COL2A1: variants seen among roughly 807,000 people sequenced by gnomAD.
COL2A1 encodes collagen alpha-1(II) chain.
A neutral mutation model predicts 204.5 loss-of-function variants in COL2A1; 28 were observed. The observed-to-expected ratio is 0.14, with a 90% CI of 0.10 to 0.19. The LOEUF (loss-of-function observed/expected upper bound fraction) is 0.19, where lower values mean the gene tolerates loss of function less well. Among genes scored for constraint, COL2A1 ranks in the 10% least tolerant of loss-of-function variants. The probability of loss-of-function intolerance (pLI) is 1.00; values close to 1 mark genes in which losing one functional copy is unlikely to be tolerated. For synonymous variants in COL2A1, 708 were observed against 718.7 expected (o/e 0.99, Z 0.24); for missense variants, 1,388 against 2,027.5 (o/e 0.68, Z 6.06).
At chr12:47,988,200 A>T (rs1026790259) in intron 18 of COL2A1, among the ~76,000 whole-genome samples, 3 of 152,216 alleles carry the variant, frequency 2.0e-5, no homozygotes, top group Non-Finnish European at 2.9e-5. Context: ...ACGGGTGAAC[A>T]GTGACACCCT....
At chr12:47,977,272 C>A (rs1284168615) in intron 46 of COL2A1, 48 bp downstream of exon 46, 2 of 1,569,088 alleles carry the variant, frequency 1.3e-6, no homozygotes, top group South Asian at 2.2e-5. Flanking sequence ...ACTGCCTCAG[C>A]CCCACCGCGC....
intron 7 of COL2A1, 21 bp from the exon 8 acceptor site, chr12:47,996,646 G>A (rs748630809): frequency 1.4e-5 from 22 of 1,610,994 alleles, no homozygotes; most frequent in Admixed American, 6.7e-5. Flanking sequence ...ACCCAACAAC[G>A]TTAGGAGGTT....
Position 47,986,845 on chromosome 12 carries a change from T to C in COL2A1, c.1409A>G (p.Lys470Arg), listed in dbSNP as rs766776002. 3 of 1,614,072 alleles carry C rather than the reference T, an allele frequency of 1.9e-6. No homozygotes were observed. The highest frequency in any genetic ancestry group is 1.7e-5 in the Admixed American group (1 of 60,012). ...GGGGCAGATACTCACAGGTTCTCCC[T>C]TGGGGCCTTGTTCACCTTTGAAGCC... ...IAGFKGEQGP[K>R]GEPGPAGPQG... The change falls in exon 22 of 54, where the codon AAG becomes AGG. Residue 470 changes from lysine to arginine, a missense_variant. Around this residue, in one of 3 missense-constraint regions of COL2A1, gnomAD observed 884 missense variants for 1,415.8 expected, o/e 0.62. Coordinates refer to ENST00000380518, the MANE Select transcript of COL2A1 (RefSeq NM_001844.5).
rs1327107907 is a variant in COL2A1, at chr12:47,982,924, T to G, written c.2117A>C (p.Glu706Ala). 6.2e-7 allele frequency: 1 copy of G among 1,613,448 alleles called. No homozygotes were observed. Among genetic ancestry groups the G allele is most frequent in the South Asian group, 1.1e-5 (1 of 91,056 alleles). ...GCCCTGGGCACCGGGAGAGCCACGT[T>G]CACCTGGGAAACCTCGTTCACCCTG... ...GPRGERGFPG[E>A]RGSPGAQGLQ... Residue 706 changes from glutamate to alanine, a missense_variant, in exon 33 of 54, where the codon GAA becomes GCA. This residue lies in a region of COL2A1 where 884 missense variants were observed against 1,415.8 expected (regional missense o/e 0.62). Transcript: ENST00000380518.
intron 34 of COL2A1, 149 bp from the exon 35 acceptor site, chr12:47,982,309 G>T (rs2136547633): frequency 4.8e-6 from 4 of 826,826 alleles, no homozygotes; most frequent in Non-Finnish European, 2.1e-6. Flanking sequence ...GGAGCAGCAG[G>T]GGTGAGATGA....
At position 47,982,910 on chromosome 12, in the gene COL2A1, C is replaced by T. The variant is rs1362360030; in HGVS notation, c.2131G>A (p.Gly711Ser). Residue 711 changes from glycine to serine, a missense_variant, in exon 33 of 54, where the codon GGT becomes AGT. Physicochemically the swap from Gly to Ser is moderately conservative, Grantham distance 56. Coordinates refer to ENST00000380518, the MANE Select transcript of COL2A1 (RefSeq NM_001844.5). ...CGGGGACCCTGGAGGCCCTGGGCAC[C>T]GGGAGAGCCACGTTCACCTGGGAAA... ...RGFPGERGSPGAQGLQGPRGL... is the reference protein window; with the variant it reads ...RGFPGERGSPSAQGLQGPRGL... 3 of 1,613,274 alleles carry T rather than the reference C, an allele frequency of 1.9e-6. No individual in the cohort carries two copies. Among genetic ancestry groups the T allele is most frequent in the African/African-American group, 1.3e-5 (1 of 74,896 alleles).
chr12:47,992,833 A>G, intron 16 of COL2A1, 45 bp downstream of exon 16: 1 of 1,604,608 alleles, frequency 6.2e-7, no homozygotes, highest in Non-Finnish European at 8.5e-7. Flanking sequence ...TGTAAACTCT[A>G]AAGTGCTCGG....
chr12:47,985,140 T>C, intron 26 of COL2A1, 47 bp from the exon 27 acceptor site: 1 of 1,486,882 alleles, frequency 6.7e-7, no homozygotes, highest in Non-Finnish European at 9.3e-7. Context: ...TCTGACCACA[T>C]CCATCCACCC....
chr12:47,976,367 G>A lies in COL2A1; in HGVS notation c.3489+147C>T, dbSNP rs1322676316. The A allele has an allele frequency of 2.2e-6, 2 of 893,440 alleles. No homozygotes were observed. The highest frequency in any genetic ancestry group is 3.7e-6 in the Non-Finnish European group (2 of 547,738). 55.3% of individuals were successfully genotyped at this position (893,440 alleles called of 1,614,324 possible). Reference sequence around the variant, plus strand: ...GCCTCAGGCGCTTTTCTGGCCATAGGCACATGAGCCAGTCCTGCCCCCATT... The same window carrying A: ...GCCTCAGGCGCTTTTCTGGCCATAGACACATGAGCCAGTCCTGCCCCCATT... On this transcript the variant is annotated intron_variant, in intron 49 of 53. Coordinates refer to ENST00000380518, the MANE Select transcript of COL2A1 (RefSeq NM_001844.5). The surrounding 1 kb of genome is among the most constrained non-coding windows in gnomAD (Gnocchi z 4.3).
In COL2A1 at chr12:47,980,866, G is replaced by A; in HGVS notation, c.2517+49C>T. 1 of 1,546,600 alleles carries A rather than the reference G, an allele frequency of 6.5e-7. No homozygotes were observed. The highest frequency in any genetic ancestry group is 8.8e-7 in the Non-Finnish European group (1 of 1,142,318). Reference sequence around the variant, plus strand: ...TCCGATGCCCGAGGGTGCTGGATGTGGAACTGGCCTGAGTGGAGGGACCCA... The same window carrying A: ...TCCGATGCCCGAGGGTGCTGGATGTAGAACTGGCCTGAGTGGAGGGACCCA... On this transcript the variant is annotated intron_variant, in intron 38 of 53. Transcript: ENST00000380518. This position sits in a 1 kb window ranked among gnomAD's most constrained non-coding sequence, Gnocchi z 4.5.
chr12:47,975,287 G>A (rs747755514), intron 51 of COL2A1, 30 bp downstream of exon 51: 31 of 1,612,344 alleles, frequency 1.9e-5, no homozygotes, highest in East Asian at 1.1e-4. Flanking sequence ...CCTGCTTCCC[G>A]GGGCAGGGGA....
intron 30 of COL2A1, 77 bp downstream of exon 30, chr12:47,983,606 C>T (rs1939215747): frequency 2.6e-6 from 4 of 1,520,716 alleles, no homozygotes; most frequent in Non-Finnish European, 3.6e-6. Flanking sequence ...GGCCCTCCAC[C>T]GATAGTGCCT....
chr12:47,976,613 T>G lies in COL2A1; in HGVS notation c.3436-46A>C. The stretch of plus-strand genomic sequence containing the variant: ...AAAGGCCACGGTCAGCACAGACATA[T>G]CTATCTATATTCTGGGAGCTGGGGG... On this transcript the variant is annotated intron_variant, in intron 48 of 53. Coordinates refer to ENST00000380518, the MANE Select transcript of COL2A1 (RefSeq NM_001844.5). The surrounding 1 kb of genome is among the most constrained non-coding windows in gnomAD (Gnocchi z 4.3). The G allele has an allele frequency of 6.3e-7, 1 of 1,591,660 alleles. No individual in the cohort carries two copies.
intron 1 of COL2A1, 31 bp downstream of exon 1, chr12:48,004,202 AGCAG>A (rs1343549469): frequency 2.4e-5 from 34 of 1,445,070 alleles, no homozygotes; most frequent in African/African-American, 7.0e-5. Context: ...ACGCATGGAA[AGCAG>A]GCAGGCAGGC....
In COL2A1 at chr12:47,976,572, G is replaced by A. The variant is rs780122274; in HGVS notation, c.3436-5C>T. The A allele has an allele frequency of 1.2e-6, 2 of 1,614,236 alleles. No homozygotes were observed. Among genetic ancestry groups the A allele is most frequent in the Non-Finnish European group, 1.7e-6 (2 of 1,180,034 alleles). ...ACCTTGGTCTCCAGAAGGACCCTGT[G>A]TAGAAGGAAGAGGCAAAAGGCCACG... On this transcript the variant is annotated splice_polypyrimidine_tract_variant and splice_region_variant and intron_variant, in intron 48 of 53. Transcript: ENST00000380518. The surrounding 1 kb of genome is among the most constrained non-coding windows in gnomAD (Gnocchi z 4.3).
In COL2A1 at chr12:47,983,752, A is replaced by G; in HGVS notation, c.1942-16T>C. ...CAGCAGGTCCCTGCAGTGGAAAAGAAAAGGTGAGCTGAGCCAGTGTTCCAG... is the reference window on the plus strand; with the variant it reads ...CAGCAGGTCCCTGCAGTGGAAAAGAGAAGGTGAGCTGAGCCAGTGTTCCAG... On this transcript the variant is annotated splice_polypyrimidine_tract_variant and intron_variant, in intron 29 of 53. Coordinates refer to ENST00000380518, the MANE Select transcript of COL2A1 (RefSeq NM_001844.5). The G allele has an allele frequency of 1.3e-6, 2 of 1,577,506 alleles. No homozygotes were observed. The highest frequency in any genetic ancestry group is 2.3e-5 in the South Asian group (2 of 85,932).
chr12:47,983,123 T>C lies in COL2A1; in HGVS notation c.2064A>G (p.Glu688=), dbSNP rs1939189290. 1.2e-6 allele frequency: 2 copies of C among 1,613,694 alleles called. No homozygotes were observed. Among genetic ancestry groups the C allele is most frequent in the African/African-American group, 2.7e-5 (2 of 74,894 alleles). Residue 688 remains glutamate, a synonymous_variant, in exon 32 of 54, where the codon GAA becomes GAG. Coordinates refer to ENST00000380518, the MANE Select transcript of COL2A1 (RefSeq NM_001844.5). ...GKPGDQGVPG[E]AGAPGLVGPR... is the part of the protein sequence containing the mutation. ...GACCCACGAGGCCAGGGGCTCCAGC[T>C]TCACCGGGAACACCCTGGAGAACAA...
chr12:47,982,547 A>G lies in COL2A1; in HGVS notation c.2256T>C (p.Pro752=), dbSNP rs745541421. The G allele has an allele frequency of 1.2e-6, 2 of 1,613,898 alleles. No homozygotes were observed. Among genetic ancestry groups the G allele is most frequent in the South Asian group, 1.1e-5 (1 of 91,082 alleles). ...AQGPPGLQGM[P]GERGAAGIAG... ...CGATACCAGCTGCTCCCCTCTCGCC[A>G]GGCATTCCCTGAAGACCTGGAGGGC... Residue 752 remains proline, a synonymous_variant, in exon 34 of 54, where the codon CCT becomes CCC. Transcript: ENST00000380518.
At chr12:47,998,550 C>T (rs931564754) in intron 2 of COL2A1, 119 bp from the exon 3 acceptor site, 22 of 1,093,336 alleles carry the variant, frequency 2.0e-5, no homozygotes, top group African/African-American at 1.1e-4. Flanking sequence ...TCAAGGAAGG[C>T]GGCAGCTTCC....
Sources: gnomAD v4.1 joint callset for allele counts (sites outside exome capture counted in the v4.1 genomes callset) on GRCh38, gnomAD v4.1.1 for gene constraint, gnomAD v4.1.1 regional missense constraint, Gnocchi (gnomAD v3.1) non-coding constraint, MANE v1.5 for transcripts, NCBI Gene and HGNC (gene_info 2026-07-23, HGNC 2026-07-21) for gene names.